Variants in B3GALT1 observed in about 807,000 individuals in gnomAD.
B3GALT1 encodes the protein UDP-Gal:betaGlcNAc beta 1,3-galactosyltransferase, polypeptide 1.
A neutral mutation model predicts 23.2 loss-of-function variants in B3GALT1; 10 were observed. The ratio of observed to expected loss-of-function variants is 0.43; its 90% CI spans 0.27 to 0.73. B3GALT1 has a LOEUF of 0.73. Ranked by LOEUF, B3GALT1 falls within the 30% of genes least tolerant of loss-of-function variation. The probability of loss-of-function intolerance (pLI) is 0.21; values close to 1 mark genes in which losing one functional copy is unlikely to be tolerated. For synonymous variants in B3GALT1, 156 were observed against 141.5 expected (o/e 1.10, Z -0.73); for missense variants, 299 against 405.4 (o/e 0.74, Z 2.25).
At chr2:167,644,250 G>A (rs139796416) in intron 2 of B3GALT1, among the ~76,000 whole-genome samples, 1 of 152,230 alleles carries the variant, frequency 6.6e-6, no homozygotes, top group Admixed American at 6.5e-5. Context: ...GAACACAGAT[G>A]AATGTGTTTA....
intron 3 of B3GALT1, among the ~76,000 whole-genome samples, chr2:167,778,014 T>C (rs1213029599): frequency 6.6e-6 from 1 of 152,032 alleles, no homozygotes; most frequent in Non-Finnish European, 1.5e-5. Flanking sequence ...CAAAGAATTA[T>C]CTAGCCCAAG....
intron 1 of B3GALT1, among the ~76,000 whole-genome samples, chr2:167,380,075 G>C (rs1697826023): frequency 6.6e-6 from 1 of 152,178 alleles, no homozygotes; most frequent in South Asian, 2.1e-4. Context: ...CATGATCTAT[G>C]TCCAGGAAGA....
intron 3 of B3GALT1, among the ~76,000 whole-genome samples, chr2:167,724,499 T>C (rs1290824314): frequency 6.6e-6 from 1 of 152,218 alleles, no homozygotes; most frequent in Non-Finnish European, 1.5e-5. Context: ...TGTCAAACTT[T>C]TTGATCTCTG....
intron 2 of B3GALT1, among the ~76,000 whole-genome samples, chr2:167,550,932 C>G (rs1229324399): frequency 1.3e-5 from 2 of 152,274 alleles, no homozygotes; most frequent in East Asian, 1.9e-4. Flanking sequence ...GTTGGCATGG[C>G]TGGTCAGCTC....
chr2:167,448,151 G>A (rs1043454482), intron 1 of B3GALT1, among the ~76,000 whole-genome samples: 1 of 152,284 alleles, frequency 6.6e-6, no homozygotes, highest in African/African-American at 2.4e-5. Context: ...TAGTGGGACT[G>A]CTGGATTAAA....
At chr2:167,652,876 C>A (rs964003480) in intron 3 of B3GALT1, among the ~76,000 whole-genome samples, 1 of 152,092 alleles carries the variant, frequency 6.6e-6, no homozygotes, top group African/African-American at 2.4e-5. Flanking sequence ...TTTCATACAT[C>A]TTTTAACTTA....
chr2:167,849,899 A>C (rs1689844155), intron 4 of B3GALT1, among the ~76,000 whole-genome samples: 4 of 151,932 alleles, frequency 2.6e-5, no homozygotes, highest in Non-Finnish European at 5.9e-5. Context: ...CAAAAAAAAA[A>C]AAAAAAAAGG....
chr2:167,594,769 G>A (rs539505401), intron 2 of B3GALT1, among the ~76,000 whole-genome samples: 8 of 152,202 alleles, frequency 5.3e-5, no homozygotes, highest in African/African-American at 1.9e-4. Flanking sequence ...AGCTGAGTGC[G>A]GTGGCAGGTG....
chr2:167,614,120 T>C (rs568537333), intron 2 of B3GALT1, among the ~76,000 whole-genome samples: 71 of 151,864 alleles, frequency 4.7e-4, no homozygotes, highest in African/African-American at 1.6e-3. Context: ...AAAATTACTA[T>C]TATTTGTGCA....
chr2:167,626,908 G>T (rs1685356402), intron 2 of B3GALT1, among the ~76,000 whole-genome samples: 1 of 151,666 alleles, frequency 6.6e-6, no homozygotes, highest in Non-Finnish European at 1.5e-5. Flanking sequence ...AAAGTCTCTT[G>T]ATCCTAAAAC....
intron 2 of B3GALT1, among the ~76,000 whole-genome samples, chr2:167,572,370 G>A (rs1204736914): frequency 6.6e-6 from 1 of 151,804 alleles, no homozygotes; most frequent in African/African-American, 2.4e-5. Flanking sequence ...ACTTTTTAAA[G>A]TTATCGACAT....
At chr2:167,538,240 A>G (rs894611735) in intron 2 of B3GALT1, among the ~76,000 whole-genome samples, 3 of 152,216 alleles carry the variant, frequency 2.0e-5, no homozygotes, top group East Asian at 3.8e-4. Context: ...TGGATACTAG[A>G]AAACAAACAA....
intron 3 of B3GALT1, among the ~76,000 whole-genome samples, chr2:167,732,586 C>T (rs1159435694): frequency 6.6e-6 from 1 of 152,190 alleles, no homozygotes; most frequent in Non-Finnish European, 1.5e-5. Flanking sequence ...TTCCCACTCT[C>T]TCAGCATGGA....
chr2:167,844,922 C>T (rs1470728316), intron 4 of B3GALT1, among the ~76,000 whole-genome samples: 1 of 152,142 alleles, frequency 6.6e-6, no homozygotes, highest in African/African-American at 2.4e-5. Context: ...GGGAGTGTGA[C>T]TGGCCCTTTG....
At chr2:167,529,346 A>T (rs1683280527) in intron 2 of B3GALT1, among the ~76,000 whole-genome samples, 1 of 151,772 alleles carries the variant, frequency 6.6e-6, no homozygotes, top group African/African-American at 2.4e-5. Context: ...TATGTACCAA[A>T]ATACCATCTA....
chr2:167,637,152 C>T (rs1467068672), intron 2 of B3GALT1, among the ~76,000 whole-genome samples: 1 of 151,946 alleles, frequency 6.6e-6, no homozygotes, highest in Non-Finnish European at 1.5e-5. Flanking sequence ...ACACCAACTC[C>T]TGTTCTGAAT....
intron 2 of B3GALT1, among the ~76,000 whole-genome samples, chr2:167,590,278 A>G (rs767152543): frequency 6.7e-6 from 1 of 149,854 alleles, no homozygotes; most frequent in Non-Finnish European, 1.5e-5. Flanking sequence ...CCCGGGAGGC[A>G]GAGCTTGCAG....
intron 2 of B3GALT1, among the ~76,000 whole-genome samples, chr2:167,556,448 T>A (rs1434805145): frequency 6.6e-6 from 1 of 152,102 alleles, no homozygotes; most frequent in Non-Finnish European, 1.5e-5. Context: ...GCATGCAAGC[T>A]AAAGTATTAA....
chr2:167,743,655 T>C (rs1687610672), intron 3 of B3GALT1, among the ~76,000 whole-genome samples: 1 of 152,120 alleles, frequency 6.6e-6, no homozygotes, highest in African/African-American at 2.4e-5. Flanking sequence ...CTCTGATATA[T>C]TGGTAGTTTA....
Sources: allele counts gnomAD v4.1 joint callset (sites outside exome capture counted in the v4.1 genomes callset), GRCh38; gene constraint gnomAD v4.1.1; transcripts MANE v1.5; gene names NCBI Gene and HGNC (gene_info 2026-07-23, HGNC 2026-07-21).